The following SMCO4 variants were observed in gnomAD, a reference collection of about 807,000 sequenced individuals.
The protein encoded by SMCO4 is single-pass membrane protein with coiled-coil domains 4.
A neutral mutation model predicts 3.6 loss-of-function variants in SMCO4; 4 were observed. The ratio of observed to expected loss-of-function variants is 1.11; its 90% CI spans 0.54 to 2.53. The LOEUF (loss-of-function observed/expected upper bound fraction) is 2.53, where lower values mean the gene tolerates loss of function less well. SMCO4 is among the 30% of genes most tolerant of loss of function. The pLI is 0.02. For synonymous variants in SMCO4, 36 were observed against 35.3 expected (o/e 1.02, Z -0.07); for missense variants, 70 against 80.8 (o/e 0.87, Z 0.51).
At chr11:93,530,633 C>G (rs1460970356) in intron 1 of SMCO4, among the ~76,000 whole-genome samples, 1 of 152,180 alleles carries the variant, frequency 6.6e-6, no homozygotes, top group Non-Finnish European at 1.5e-5. Context: ...CCTCTTGATC[C>G]TCATCCTCTT....
At chr11:93,538,106 A>T (rs1366384518) in intron 1 of SMCO4, among the ~76,000 whole-genome samples, 1 of 152,210 alleles carries the variant, frequency 6.6e-6, no homozygotes, top group Non-Finnish European at 1.5e-5. Flanking sequence ...TATTCCTGAC[A>T]TGGCAACAGT....
rs111777660 is a variant in SMCO4 at position 93,538,458 on chromosome 11, C to T, written c.-154+4818G>A. ...GGCGTCTTCCCTTCCACACTTCTAA[C>T]CTTGACTAGCATTTCCCAAAATGCA... On this transcript the variant is annotated intron_variant, in intron 1 of 2. Transcript: ENST00000298966. Among the ~76,000 whole-genome samples, 1,046 of 152,286 alleles carry T rather than the reference C, an allele frequency of 6.9e-3. 9 individuals carry two copies. The highest frequency in any genetic ancestry group is 0.017 in the Middle Eastern group (5 of 294).
chr11:93,496,582 C>A lies in SMCO4; in HGVS notation c.-81+2694G>T, dbSNP rs80096340. ...GTCCTGGGGCCAGCCTCAGAGGTGACCCCTGTCTATCCTCTCATGGTGTCG... is the reference window on the plus strand; with the variant it reads ...GTCCTGGGGCCAGCCTCAGAGGTGAACCCTGTCTATCCTCTCATGGTGTCG... On this transcript the variant is annotated intron_variant, in intron 2 of 2. Coordinates refer to ENST00000298966, the MANE Select transcript of SMCO4 (RefSeq NM_020179.3). 3.7e-4 allele frequency among the ~76,000 whole-genome samples: 56 copies of A among 152,104 alleles called. No homozygotes were observed. The South Asian group carries it at 7.5e-3, about 20-fold the overall frequency.
At chr11:93,522,509 A>G (rs529458181) in intron 1 of SMCO4, among the ~76,000 whole-genome samples, 2 of 152,336 alleles carry the variant, frequency 1.3e-5, no homozygotes, top group Admixed American at 1.3e-4. Flanking sequence ...CTACCATGTT[A>G]AGTGATTCGA....
the SMCO4 span, among the ~76,000 whole-genome samples, chr11:93,551,568 AGCTGCAGCACTTAGGTGAGTATTT>A: frequency 6.6e-6 from 1 of 152,270 alleles, no homozygotes; most frequent in South Asian, 2.1e-4. Context: ...GACTCCCCTC[AGCTGCAGCACTTAGGTGAGTATTT>A]TACTCCAGGT....
intron 2 of SMCO4, among the ~76,000 whole-genome samples, chr11:93,493,768 T>A (rs966657125): frequency 2.0e-5 from 3 of 152,202 alleles, no homozygotes; most frequent in African/African-American, 7.2e-5. Context: ...CTGCACATAG[T>A]GGGAGAACAA....
At chr11:93,507,177 G>A (rs1005890583) in intron 1 of SMCO4, among the ~76,000 whole-genome samples, 1 of 152,188 alleles carries the variant, frequency 6.6e-6, no homozygotes, top group Non-Finnish European at 1.5e-5. Context: ...GGCCGAGGCA[G>A]GCAGATCACC....
chr11:93,545,650 T>C (rs1949311572), upstream of SMCO4, among the ~76,000 whole-genome samples: 1 of 150,168 alleles, frequency 6.7e-6, no homozygotes, highest in South Asian at 2.1e-4. Flanking sequence ...TCATCCTTTA[T>C]AGGTTAGAGT....
chr11:93,531,434 T>C (rs1485262059), intron 1 of SMCO4, among the ~76,000 whole-genome samples: 1 of 152,158 alleles, frequency 6.6e-6, no homozygotes, highest in Admixed American at 6.5e-5. Flanking sequence ...CCTCAGTACT[T>C]GGATTGGAAC....
At chr11:93,517,680 G>A (rs1454875486) in intron 1 of SMCO4, among the ~76,000 whole-genome samples, 1 of 152,060 alleles carries the variant, frequency 6.6e-6, no homozygotes, top group Non-Finnish European at 1.5e-5. Context: ...CATTATCTCC[G>A]CTGATTCTCA....
intron 1 of SMCO4, among the ~76,000 whole-genome samples, chr11:93,509,009 G>C (rs1405060208): frequency 6.6e-6 from 1 of 152,116 alleles, no homozygotes; most frequent in Non-Finnish European, 1.5e-5. Flanking sequence ...ATTGCTCACG[G>C]CCAGGTGCAG....
At chr11:93,502,783 G>A (rs1401428199) in intron 1 of SMCO4, among the ~76,000 whole-genome samples, 1 of 152,064 alleles carries the variant, frequency 6.6e-6, no homozygotes, top group Admixed American at 6.5e-5. Flanking sequence ...GACAGAATTA[G>A]ACAAATTATG....
the SMCO4 span, among the ~76,000 whole-genome samples, chr11:93,550,373 A>T: frequency 6.6e-6 from 1 of 152,116 alleles, no homozygotes; most frequent in Admixed American, 6.5e-5. Flanking sequence ...TTAAAGGTGG[A>T]ACTCGGCCAG....
chr11:93,504,428 T>C lies in SMCO4; in HGVS notation c.-153-5080A>G, dbSNP rs534777876. On this transcript the variant is annotated intron_variant, in intron 1 of 2. Transcript: ENST00000298966. ...AAATATTTTCCTGCTTATCTACCCA[T>C]ACAAGAGAAGGAATGAGAGATTTTT... Among the ~76,000 whole-genome samples, 10 of 152,320 alleles carry C rather than the reference T, an allele frequency of 6.6e-5. No individual in the cohort carries two copies. In the South Asian group the frequency reaches 2.1e-3, roughly 32 times the overall value.
chr11:93,481,053 A>G (rs1948587229), intron 2 of SMCO4, among the ~76,000 whole-genome samples: 1 of 151,384 alleles, frequency 6.6e-6, no homozygotes, highest in Admixed American at 6.6e-5. Flanking sequence ...AAAAAAAAAA[A>G]CACCTACTAT....
intron 2 of SMCO4, among the ~76,000 whole-genome samples, chr11:93,493,888 G>A (rs1948747127): frequency 6.6e-6 from 1 of 152,028 alleles, no homozygotes; most frequent in Non-Finnish European, 1.5e-5. Context: ...AGAAGTCTGG[G>A]GATCTCCTAG....
At chr11:93,552,506 C>T in the SMCO4 span, among the ~76,000 whole-genome samples, 1 of 149,108 alleles carries the variant, frequency 6.7e-6, no homozygotes, top group Admixed American at 6.8e-5. Flanking sequence ...GAGTCTCGAT[C>T]TGTTCCCCAG....
At chr11:93,551,906 G>C in the SMCO4 span, among the ~76,000 whole-genome samples, 2 of 152,138 alleles carry the variant, frequency 1.3e-5, no homozygotes, top group Non-Finnish European at 2.9e-5. Flanking sequence ...CCTGAAACTT[G>C]AAGGAATCCA....
intron 1 of SMCO4, among the ~76,000 whole-genome samples, chr11:93,529,271 C>T (rs939309415): frequency 1.3e-5 from 2 of 152,216 alleles, no homozygotes; most frequent in Non-Finnish European, 2.9e-5. Context: ...GTAACACTCA[C>T]TTTTCTAGCT....
Sources: allele counts gnomAD v4.1 joint callset (sites outside exome capture counted in the v4.1 genomes callset), GRCh38; gene constraint gnomAD v4.1.1; transcripts MANE v1.5; gene names NCBI Gene and HGNC (gene_info 2026-07-23, HGNC 2026-07-21).